Variants in SLX9 observed in about 807,000 individuals in gnomAD.
The protein encoded by SLX9 is SLX9 ribosome biogenesis factor.
Under a neutral mutation model 20.8 loss-of-function variants are expected in SLX9, and 19 were observed. That is an observed-to-expected ratio of 0.91 (90% CI 0.64 to 1.34). SLX9 has a LOEUF of 1.34. Among genes scored for constraint, SLX9 ranks in the 40% most tolerant of loss-of-function variants. The probability of loss-of-function intolerance (pLI) is 0.00; values close to 1 mark genes in which losing one functional copy is unlikely to be tolerated. For synonymous variants in SLX9, 113 were observed against 137.1 expected, an observed-to-expected ratio of 0.82 and a Z score of 1.23; for missense variants, 299 against 322.2, an observed-to-expected ratio of 0.93 and a Z score of 0.55.
chr21:44,963,557 G>GT (rs368210398), intron 3 of SLX9, among the ~76,000 whole-genome samples: 68 of 148,360 alleles, frequency 4.6e-4, no homozygotes, highest in East Asian at 1.4e-3. Context: ...TTTCATATTG[G>GT]TTTTTTTTTT....
intron 5 of SLX9, among the ~76,000 whole-genome samples, chr21:44,976,159 C>T (rs908731978): frequency 1.3e-5 from 2 of 152,380 alleles, no homozygotes; most frequent in Admixed American, 1.3e-4. Context: ...AGAGCAGGAG[C>T]TGAGTGGCCG....
chr21:44,950,831 TC>T (rs1167848924), intron 2 of SLX9, among the ~76,000 whole-genome samples: 1 of 152,156 alleles, frequency 6.6e-6, no homozygotes, highest in African/African-American at 2.4e-5. Flanking sequence ...GTTTCTGCGA[TC>T]AGCTCCTTCA....
intron 2 of SLX9, among the ~76,000 whole-genome samples, chr21:44,953,861 G>T (rs372690996): frequency 6.6e-6 from 1 of 152,204 alleles, no homozygotes; most frequent in Non-Finnish European, 1.5e-5. Flanking sequence ...AACCTCGGCC[G>T]CACCCCAAGG....
At chr21:44,956,455 G>T (rs550022897) in intron 2 of SLX9, among the ~76,000 whole-genome samples, 1 of 152,206 alleles carries the variant, frequency 6.6e-6, no homozygotes. Context: ...CCCAGAAGGC[G>T]TGGCGAGAAG....
upstream of SLX9, chr21:44,939,984 T>A: frequency 2.2e-6 from 3 of 1,347,696 alleles, no homozygotes; most frequent in Non-Finnish European, 2.9e-6. Context: ...CGGCTCCTGT[T>A]TCCGCCGGGC....
At chr21:44,952,025 A>G (rs555775425) in intron 2 of SLX9, among the ~76,000 whole-genome samples, 1 of 147,818 alleles carries the variant, frequency 6.8e-6, no homozygotes, top group African/African-American at 2.7e-5. Context: ...GGCACAGTGC[A>G]GCAGGCTAAG....
intron 2 of SLX9, among the ~76,000 whole-genome samples, chr21:44,947,012 T>C (rs1024904013): frequency 2.6e-5 from 4 of 152,340 alleles, no homozygotes; most frequent in Admixed American, 2.0e-4. Flanking sequence ...CCAGCCCCTT[T>C]TCTTCAGGCC....
intron 2 of SLX9, among the ~76,000 whole-genome samples, chr21:44,949,646 T>C (rs1330795994): frequency 2.0e-5 from 3 of 152,134 alleles, no homozygotes; most frequent in African/African-American, 7.2e-5. Flanking sequence ...CGCTTCTGCC[T>C]GCGCCTTCCG....
intron 3 of SLX9, among the ~76,000 whole-genome samples, chr21:44,964,350 T>TC (rs1448941934): frequency 1.3e-5 from 2 of 152,210 alleles, no homozygotes; most frequent in East Asian, 3.8e-4. Context: ...TTGCTTTTTT[T>TC]CCCCAATATG....
At chr21:44,957,691 C>T (rs533605853) in intron 2 of SLX9, among the ~76,000 whole-genome samples, 2 of 152,280 alleles carry the variant, frequency 1.3e-5, no homozygotes, top group African/African-American at 2.4e-5. Flanking sequence ...GCACCTGCAG[C>T]ATGTTCCCCC....
At chr21:44,959,942 G>C (rs2084924589) in intron 2 of SLX9, among the ~76,000 whole-genome samples, 158 bp from the exon 3 acceptor site, 1 of 152,306 alleles carries the variant, frequency 6.6e-6, no homozygotes, top group Admixed American at 6.5e-5. Flanking sequence ...AGGTGCCCCT[G>C]GTGCTGTCCA....
chr21:44,940,190 A>G lies in SLX9; in HGVS notation c.129+4A>G, dbSNP rs1039759322. On this transcript the variant is annotated splice_donor_region_variant and intron_variant, in intron 1 of 5. Transcript: ENST00000291634. ...GCCGGCCTCGGCCGCGGGGAAGGTG[A>G]GCTGGGGAGGCGCTGGCCGGGGGCT... 4.0e-6 allele frequency: 5 copies of G among 1,247,898 alleles called. No individual in the cohort carries two copies. In the African/African-American group the frequency reaches 7.8e-5, roughly 20 times the overall value. The allele number at this position is 1,247,898 out of a possible 1,614,324, so 77.3% of individuals were successfully genotyped here. A position where few individuals can be genotyped will look rare whatever the true frequency, so the allele number is the denominator to read the frequency against.
chr21:44,966,022 A>G (rs558728694), intron 3 of SLX9, among the ~76,000 whole-genome samples: 2 of 152,238 alleles, frequency 1.3e-5, no homozygotes, highest in Admixed American at 1.3e-4. Context: ...CTCAACCTGC[A>G]CTGGGGGCTG....
intron 2 of SLX9, among the ~76,000 whole-genome samples, chr21:44,949,251 G>A (rs1029356881): frequency 1.3e-5 from 2 of 152,148 alleles, no homozygotes; most frequent in South Asian, 2.1e-4. Context: ...GCTCCCCCTC[G>A]CACGGTTTGT....
intron 2 of SLX9, among the ~76,000 whole-genome samples, chr21:44,953,568 C>G (rs966854284): frequency 6.6e-6 from 1 of 152,210 alleles, no homozygotes; most frequent in Non-Finnish European, 1.5e-5. Context: ...GCCCTGCATC[C>G]GGGCCTCGGG....
rs1241169633 is a variant in SLX9 at position 44,944,772 on chromosome 21, G to A, written c.283+935G>A. 4.6e-5 allele frequency among the ~76,000 whole-genome samples: 7 copies of A among 152,356 alleles called. No homozygotes were observed. The East Asian group carries it at 1.3e-3, about 29-fold the overall frequency. On this transcript the variant is annotated intron_variant, in intron 2 of 5. Coordinates refer to ENST00000291634, the MANE Select transcript of SLX9 (RefSeq NM_058190.4). ...GGACAGGGCAGGAGCCGGGTCTGGG[G>A]CCTGTAGATGGCCCGTTAAGATCGT...
intron 2 of SLX9, among the ~76,000 whole-genome samples, chr21:44,957,073 C>T (rs947507383): frequency 6.6e-6 from 1 of 152,244 alleles, no homozygotes; most frequent in African/African-American, 2.4e-5. Flanking sequence ...GGTTTTTAGG[C>T]AGCCTGTACC....
At chr21:44,975,978 C>T (rs1025500255) in intron 5 of SLX9, among the ~76,000 whole-genome samples, 5 of 152,250 alleles carry the variant, frequency 3.3e-5, no homozygotes, top group Admixed American at 6.5e-5. Flanking sequence ...GCACACAGGC[C>T]GGAGGGGTAC....
chr21:44,947,074 C>T (rs1015548104), intron 2 of SLX9, among the ~76,000 whole-genome samples: 2 of 152,242 alleles, frequency 1.3e-5, no homozygotes, highest in African/African-American at 4.8e-5. Flanking sequence ...GGCTGCTCCT[C>T]ACCATGTTCC....
Sources: gnomAD v4.1 joint callset for allele counts (sites outside exome capture counted in the v4.1 genomes callset) on GRCh38, gnomAD v4.1.1 for gene constraint, MANE v1.5 for transcripts, NCBI Gene and HGNC (gene_info 2026-07-23, HGNC 2026-07-21) for gene names.